SLC26A4: variants seen among roughly 807,000 people sequenced by gnomAD.
The protein encoded by SLC26A4 is solute carrier family 26 member 4, also known as pendrin.
In SLC26A4, 93 loss-of-function variants were observed where a neutral mutation model predicts 90.4. That is an observed-to-expected ratio of 1.03 (90% CI 0.87 to 1.22). SLC26A4 has a LOEUF of 1.22. Among genes scored for constraint, SLC26A4 ranks in the 50% most tolerant of loss-of-function variants. The pLI is 0.00. For missense variants in SLC26A4, 1,127 were observed against 946.2 expected (o/e 1.19, Z -2.51); for synonymous variants, 393 against 354.6 (o/e 1.11, Z -1.22).
At chr7:107,699,315 T>A (rs1053105701) in intron 14 of SLC26A4, among the ~76,000 whole-genome samples, 7 of 152,222 alleles carry the variant, frequency 4.6e-5, no homozygotes, top group Non-Finnish European at 8.8e-5. Context: ...TAGAAAAGTC[T>A]ATGATTCTGT....
In SLC26A4 at chr7:107,712,193, G is replaced by C. The variant is rs145784995; in HGVS notation, c.2236-346G>C. 3.1e-3 allele frequency among the ~76,000 whole-genome samples: 466 copies of C among 152,226 alleles called. 3 individuals are homozygous for C. The highest frequency in any genetic ancestry group is 0.014 in the Middle Eastern group (4 of 294). On this transcript the variant is annotated intron_variant, in intron 19 of 20. Coordinates refer to ENST00000644269, the MANE Select transcript of SLC26A4 (RefSeq NM_000441.2). The stretch of plus-strand genomic sequence containing the variant: ...ACTGTGCATTCATTGCACACTCAAC[G>C]CTGTGCTAAGTGCTCTTAGCTTAGC...
chr7:107,694,149 T>C (rs567054000), intron 10 of SLC26A4, among the ~76,000 whole-genome samples: 1 of 152,326 alleles, frequency 6.6e-6, no homozygotes, highest in African/African-American at 2.4e-5. Context: ...CCTGTCAAAC[T>C]GGCTTTAATT....
intron 8 of SLC26A4, among the ~76,000 whole-genome samples, chr7:107,686,255 TCTTTCTTCC>T (rs1327891389): frequency 2.0e-5 from 3 of 148,248 alleles, no homozygotes; most frequent in Admixed American, 6.7e-5. Flanking sequence ...TCATTCTCTT[TCTTTCTTCC>T]CTTCCTTCCC....
At chr7:107,679,504 A>C (rs1379666104) in intron 6 of SLC26A4, among the ~76,000 whole-genome samples, 2 of 152,078 alleles carry the variant, frequency 1.3e-5, no homozygotes, top group Admixed American at 6.5e-5. Flanking sequence ...CATACACATT[A>C]TTGGGCATAA....
chr7:107,665,660 G>A (rs986493093), intron 3 of SLC26A4, among the ~76,000 whole-genome samples: 5 of 152,158 alleles, frequency 3.3e-5, no homozygotes, highest in African/African-American at 1.2e-4. Flanking sequence ...TCATAGACAA[G>A]TATCTTATAA....
At chr7:107,673,684 G>A (rs983966145) in intron 4 of SLC26A4, among the ~76,000 whole-genome samples, 1 of 151,892 alleles carries the variant, frequency 6.6e-6, no homozygotes, top group African/African-American at 2.4e-5. Context: ...TGTCTCTCTC[G>A]CCTATTTCTA....
intron 19 of SLC26A4, among the ~76,000 whole-genome samples, chr7:107,710,453 G>T (rs771698873): frequency 2.6e-5 from 4 of 152,184 alleles, no homozygotes; most frequent in Non-Finnish European, 5.9e-5. Context: ...CAATGTGTAG[G>T]TTTATTAATA....
chr7:107,690,300 A>G, intron 10 of SLC26A4, 63 bp downstream of exon 10: 1 of 987,334 alleles, frequency 1.0e-6, no homozygotes. Flanking sequence ...CAACAGAGGA[A>G]GGCTCGCACC....
chr7:107,694,267 C>A (rs755582438), intron 10 of SLC26A4, 136 bp from the exon 11 acceptor site: 1 of 729,534 alleles, frequency 1.4e-6, no homozygotes. Flanking sequence ...CTTTTCTCGA[C>A]AGTATTGAGC....
intron 13 of SLC26A4, 85 bp from the exon 14 acceptor site, chr7:107,697,957 G>A (rs770844637): frequency 6.0e-6 from 5 of 829,438 alleles, no homozygotes; most frequent in Non-Finnish European, 1.1e-5. Flanking sequence ...AGAATGATGG[G>A]CTCTTTAGTA....
At chr7:107,694,553 A>G in intron 11 of SLC26A4, 68 bp from the exon 12 acceptor site, 2 of 1,517,522 alleles carry the variant, frequency 1.3e-6, no homozygotes, top group Non-Finnish European at 1.8e-6. Flanking sequence ...AAATAACAGG[A>G]GATTTAACAA....
chr7:107,707,216 G>T (rs890775494), intron 18 of SLC26A4, among the ~76,000 whole-genome samples: 3 of 152,066 alleles, frequency 2.0e-5, no homozygotes, highest in African/African-American at 4.8e-5. Flanking sequence ...TTTAGATCTG[G>T]AAAACAAATA....
intron 6 of SLC26A4, among the ~76,000 whole-genome samples, chr7:107,676,380 C>T (rs943033843): frequency 1.3e-5 from 2 of 152,036 alleles, no homozygotes; most frequent in African/African-American, 4.8e-5. Context: ...CTTTTTCTAA[C>T]CATAAGAGTC....
intron 14 of SLC26A4, among the ~76,000 whole-genome samples, chr7:107,698,971 A>G (rs1235184644): frequency 6.6e-6 from 1 of 152,192 alleles, no homozygotes; most frequent in African/African-American, 2.4e-5. Flanking sequence ...GAAAATACAA[A>G]TTTAGCAAAT....
chr7:107,668,661 T>C (rs1790781618), intron 3 of SLC26A4, among the ~76,000 whole-genome samples: 2 of 152,224 alleles, frequency 1.3e-5, no homozygotes, highest in Non-Finnish European at 2.9e-5. Flanking sequence ...AGTGCTATTT[T>C]TATTCACAAC....
At chr7:107,680,500 A>T (rs1464529349) in intron 6 of SLC26A4, among the ~76,000 whole-genome samples, 7 of 146,836 alleles carry the variant, frequency 4.8e-5, no homozygotes, top group Non-Finnish European at 1.0e-4. Flanking sequence ...TAATATTATT[A>T]TTATACAATA....
intron 10 of SLC26A4, chr7:107,693,577 G>A: frequency 1.0e-5 from 10 of 985,412 alleles, no homozygotes; most frequent in Non-Finnish European, 1.2e-5. Flanking sequence ...TCTTGGCTCT[G>A]CCCCAGCTGT....
At chr7:107,664,081 T>C (rs1584295864) in intron 3 of SLC26A4, among the ~76,000 whole-genome samples, 1 of 152,350 alleles carries the variant, frequency 6.6e-6, no homozygotes, top group South Asian at 2.1e-4. Context: ...CATCCTGATA[T>C]ATACATATAT....
intron 10 of SLC26A4, chr7:107,693,839 A>G: frequency 5.5e-6 from 2 of 362,930 alleles, no homozygotes; most frequent in African/African-American, 2.2e-5. Flanking sequence ...CCACCTCTCA[A>G]TGTGCAAATG....
Sources: gnomAD v4.1 joint callset for allele counts (sites outside exome capture counted in the v4.1 genomes callset) on GRCh38, gnomAD v4.1.1 for gene constraint, MANE v1.5 for transcripts, NCBI Gene and HGNC (gene_info 2026-07-23, HGNC 2026-07-21) for gene names.